The following KSR2 variants were observed in gnomAD, a reference collection of about 807,000 sequenced individuals.
The protein encoded by KSR2 is kinase suppressor of ras 2.
A neutral mutation model predicts 107.8 loss-of-function variants in KSR2; 25 were observed. The ratio of observed to expected loss-of-function variants is 0.23; its 90% confidence interval spans 0.17 to 0.32. The LOEUF (loss-of-function observed/expected upper bound fraction) is 0.32, where lower values mean the gene tolerates loss of function less well. Among genes scored for constraint, KSR2 ranks in the 10% least tolerant of loss-of-function variants. The pLI, the probability that KSR2 is intolerant of heterozygous loss-of-function variation, is 1.00. For missense variants in KSR2, 887 were observed against 1,268.9 expected, an observed-to-expected ratio of 0.70 and a Z score of 4.57; for synonymous variants, 480 against 507.0, an observed-to-expected ratio of 0.95 and a Z score of 0.71.
At chr12:117,875,386 G>A (rs1893807822) in intron 1 of KSR2, among the ~76,000 whole-genome samples, 2 of 151,182 alleles carry the variant, frequency 1.3e-5, no homozygotes, top group South Asian at 4.2e-4. Context: ...AGCTGGGAGG[G>A]AATGCAGGAC....
At chr12:117,764,605 C>T (rs1306788511) in intron 3 of KSR2, among the ~76,000 whole-genome samples, 8 of 152,150 alleles carry the variant, frequency 5.3e-5, no homozygotes, top group Admixed American at 4.6e-4. Flanking sequence ...AATGAGCCTC[C>T]TCCCAGGCTT....
intron 4 of KSR2, among the ~76,000 whole-genome samples, chr12:117,689,617 C>A (rs1724765885): frequency 1.3e-5 from 2 of 151,952 alleles, no homozygotes; most frequent in South Asian, 2.1e-4. Context: ...TGGATGACCC[C>A]TGGTCTACAC....
intron 4 of KSR2, among the ~76,000 whole-genome samples, chr12:117,668,978 C>T (rs113815025): frequency 1.3e-5 from 2 of 152,110 alleles, no homozygotes; most frequent in Non-Finnish European, 2.9e-5. Flanking sequence ...AAGAGCTCTT[C>T]CAGGGACCCC....
intron 14 of KSR2, among the ~76,000 whole-genome samples, chr12:117,516,005 G>A (rs1874352225): frequency 6.6e-6 from 1 of 152,130 alleles, no homozygotes; most frequent in Admixed American, 6.5e-5. Flanking sequence ...ATTTTGGGTT[G>A]GCTTCCTGAC....
chr12:117,742,944 A>G (rs947632842), intron 4 of KSR2, among the ~76,000 whole-genome samples: 19 of 152,144 alleles, frequency 1.2e-4, no homozygotes, highest in African/African-American at 4.1e-4. Flanking sequence ...AGTGATAAAC[A>G]TCTCCACCTC....
chr12:117,628,805 A>G (rs909591214), intron 5 of KSR2, among the ~76,000 whole-genome samples: 5 of 152,362 alleles, frequency 3.3e-5, no homozygotes, highest in African/African-American at 4.8e-5. Context: ...CGCCCTGCCC[A>G]CAGAGGTGGA....
chr12:117,871,317 G>A (rs371439190), intron 1 of KSR2, among the ~76,000 whole-genome samples: 7 of 152,094 alleles, frequency 4.6e-5, no homozygotes, highest in East Asian at 1.9e-4. Flanking sequence ...GGCCAAGCGC[G>A]GTGGCTCACA....
At chr12:117,493,051 C>G (rs145368263) in intron 14 of KSR2, among the ~76,000 whole-genome samples, 1 of 152,138 alleles carries the variant, frequency 6.6e-6, no homozygotes, top group African/African-American at 2.4e-5. Flanking sequence ...GCCACTAAGA[C>G]AGTGGGGCAG....
chr12:117,769,225 T>G (rs796293993), intron 3 of KSR2, among the ~76,000 whole-genome samples: 3 of 149,582 alleles, frequency 2.0e-5, no homozygotes, highest in East Asian at 1.9e-4. Flanking sequence ...TCTTAGTGGG[T>G]TTTTTTTTTC....
chr12:117,762,473 T>A (rs948231557), intron 3 of KSR2, among the ~76,000 whole-genome samples: 3 of 152,196 alleles, frequency 2.0e-5, no homozygotes, highest in African/African-American at 7.2e-5. Flanking sequence ...GGACTTACAT[T>A]CTGCCAAAGC....
At chr12:117,719,223 C>G (rs11068646) in intron 4 of KSR2, among the ~76,000 whole-genome samples, 2,081 of 152,206 alleles carry the variant, frequency 0.014, 48 homozygotes, top group African/African-American at 0.048. Context: ...TCTTTCCCCC[C>G]CTCCACCCCA....
At chr12:117,492,985 G>T (rs1455944090) in intron 14 of KSR2, among the ~76,000 whole-genome samples, 1 of 152,120 alleles carries the variant, frequency 6.6e-6, no homozygotes, top group Non-Finnish European at 1.5e-5. Flanking sequence ...AGCTCCATGA[G>T]ACCCACTTTG....
chr12:117,554,374 C>T (rs708859), intron 9 of KSR2, among the ~76,000 whole-genome samples: 47,313 of 152,004 alleles, frequency 0.31, 7,774 homozygotes, highest in East Asian at 0.41. Context: ...CCATCCAGCC[C>T]CTACCAGAAG....
chr12:117,667,549 G>A lies in KSR2; in HGVS notation c.1096C>T (p.Arg366Cys), dbSNP rs373055394. 20 of 1,613,026 alleles carry A rather than the reference G, an allele frequency of 1.2e-5. No individual in the cohort carries two copies. Among genetic ancestry groups the A allele is most frequent in the African/African-American group, 1.2e-4 (9 of 74,936 alleles). Residue 366 changes from arginine to cysteine, a missense_variant, in exon 5 of 20, where the codon CGC becomes TGC. By Grantham distance (180) the Arg-to-Cys change is radical. Transcript: ENST00000339824. Reference sequence around the variant, plus strand: ...GGTGCGTGTCCCACAAAGAAGGAGCGGAGGGAGCGCTCGGACAGCAGCGGG... The same window carrying A: ...GGTGCGTGTCCCACAAAGAAGGAGCAGAGGGAGCGCTCGGACAGCAGCGGG... ...RSPLLSERSL[R>C]SFFVGHAPFL...
At chr12:117,485,468 C>A in intron 15 of KSR2, 127 bp downstream of exon 15, 2 of 667,088 alleles carry the variant, frequency 3.0e-6, no homozygotes, top group Non-Finnish European at 5.2e-6. Context: ...AGTCTAATTT[C>A]TTTTAAGTCC....
At chr12:117,558,365 C>T (rs1471646120) in intron 8 of KSR2, 141 bp downstream of exon 8, 2 of 647,000 alleles carry the variant, frequency 3.1e-6, no homozygotes, top group African/African-American at 1.8e-5. Context: ...GGAAACAGGG[C>T]GTCAGAGAGA....
intron 1 of KSR2, among the ~76,000 whole-genome samples, chr12:117,876,750 T>C: frequency 6.7e-6 from 1 of 148,822 alleles, no homozygotes; most frequent in East Asian, 1.9e-4. Flanking sequence ...ATAATATAAT[T>C]TGAAATATAT....
intron 14 of KSR2, among the ~76,000 whole-genome samples, chr12:117,502,060 C>T (rs969686165): frequency 6.6e-6 from 1 of 152,240 alleles, no homozygotes; most frequent in African/African-American, 2.4e-5. Flanking sequence ...CAAGGAATCA[C>T]TGTAACTGGA....
At chr12:117,822,761 T>C (rs900223730) in intron 3 of KSR2, among the ~76,000 whole-genome samples, 2 of 152,196 alleles carry the variant, frequency 1.3e-5, no homozygotes, top group African/African-American at 4.8e-5. Flanking sequence ...CCATGCTGCA[T>C]ATTGCTAGCC....
Sources: allele counts gnomAD v4.1 joint callset (sites outside exome capture counted in the v4.1 genomes callset), GRCh38; gene constraint gnomAD v4.1.1; transcripts MANE v1.5; gene names NCBI Gene and HGNC (gene_info 2026-07-23, HGNC 2026-07-21).